Variants in DOCK8 observed in about 807,000 individuals in gnomAD.
DOCK8 encodes dedicator of cytokinesis protein 8.
A neutral mutation model predicts 245.6 loss-of-function variants in DOCK8; 141 were observed. The observed-to-expected ratio is 0.57, with a 90% CI of 0.50 to 0.66. The LOEUF (loss-of-function observed/expected upper bound fraction) is 0.66. Ranked by LOEUF, DOCK8 falls within the 30% of genes least tolerant of loss-of-function variation. The pLI, the probability that DOCK8 is intolerant of heterozygous loss-of-function variation, is 0.00. For synonymous variants in DOCK8, 1,168 were observed against 970.2 expected (o/e 1.20, Z -3.79); for missense variants, 2,965 against 2,603.4 (o/e 1.14, Z -3.02).
At chr9:463,278 A>T (rs1312965405) in intron 46 of DOCK8, among the ~76,000 whole-genome samples, 1 of 15,836 alleles carries the variant, frequency 6.3e-5, no homozygotes, top group East Asian at 0.1. Flanking sequence ...AAATAAGGTA[A>T]AAAAAAAAAA....
At chr9:307,254 A>C (rs145245641) in intron 5 of DOCK8, among the ~76,000 whole-genome samples, 1 of 151,582 alleles carries the variant, frequency 6.6e-6, no homozygotes, top group Admixed American at 6.6e-5. Flanking sequence ...CAATAGGTGA[A>C]GACCAGCGTA....
chr9:447,912 C>G (rs1024269317), intron 44 of DOCK8, among the ~76,000 whole-genome samples: 2 of 152,228 alleles, frequency 1.3e-5, no homozygotes, highest in African/African-American at 2.4e-5. Context: ...TAGAAGCCAT[C>G]TGCTGTACTT....
intron 2 of DOCK8, among the ~76,000 whole-genome samples, chr9:282,952 C>T (rs1446242340): frequency 6.6e-6 from 1 of 152,124 alleles, no homozygotes; most frequent in African/African-American, 2.4e-5. Flanking sequence ...TATTTACTTA[C>T]TATTATTACT....
At chr9:235,053 G>A (rs961754869) in intron 1 of DOCK8, among the ~76,000 whole-genome samples, 2 of 152,074 alleles carry the variant, frequency 1.3e-5, no homozygotes, top group African/African-American at 4.8e-5. Flanking sequence ...CTTTGATGAT[G>A]GTGACGTACA....
At chr9:247,891 T>C (rs1587658034) in intron 1 of DOCK8, among the ~76,000 whole-genome samples, 1 of 151,952 alleles carries the variant, frequency 6.6e-6, no homozygotes, top group Admixed American at 6.6e-5. Context: ...GTTTATAGTA[T>C]TATCATTAAT....
At position 425,599 on chromosome 9, in the gene DOCK8, C is replaced by A. The variant is rs1349452874; in HGVS notation, c.4242-1286C>A. On this transcript the variant is annotated intron_variant, in intron 33 of 47. Coordinates refer to ENST00000432829, the MANE Select transcript of DOCK8 (RefSeq NM_203447.4). The stretch of plus-strand genomic sequence containing the variant: ...AATGGTAAATTTGATGTTATGTGTA[C>A]TTTATCACGATATAAAAATTTGATG... Among the ~76,000 whole-genome samples, 4 of 146,906 alleles carry A rather than the reference C, an allele frequency of 2.7e-5. 1 individual carries two copies. The highest frequency in any genetic ancestry group is 1.0e-4 in the African/African-American group (4 of 39,968).
chr9:255,468 G>C (rs1289980737), intron 1 of DOCK8, among the ~76,000 whole-genome samples: 1 of 152,102 alleles, frequency 6.6e-6, no homozygotes, highest in South Asian at 2.1e-4. Flanking sequence ...AGGAGTTTGA[G>C]ATCAGCCTGG....
At chr9:398,889 C>T (rs1044205687) in intron 25 of DOCK8, among the ~76,000 whole-genome samples, 8 of 151,614 alleles carry the variant, frequency 5.3e-5, no homozygotes, top group African/African-American at 1.9e-4. Context: ...TAATTATACA[C>T]ATATAAATAT....
intron 1 of DOCK8, among the ~76,000 whole-genome samples, chr9:241,025 A>C (rs970236788): frequency 6.6e-6 from 1 of 152,224 alleles, no homozygotes; most frequent in Non-Finnish European, 1.5e-5. Flanking sequence ...AGAAAAGGGA[A>C]AATGATTTGT....
At chr9:399,281 A>AC (rs1564010082) in intron 26 of DOCK8, 22 bp downstream of exon 26, 1 of 992,506 alleles carries the variant, frequency 1.0e-6, no homozygotes, top group South Asian at 1.6e-5. Flanking sequence ...CCCCACCCCC[A>AC]CCCCCGAGCG....
rs188153923 is a variant in DOCK8 at position 413,946 on chromosome 9, A to G, written c.3531-836A>G. Among the ~76,000 whole-genome samples, 877 of 152,340 alleles carry G rather than the reference A, an allele frequency of 5.8e-3. 9 individuals carry two copies. Among genetic ancestry groups the G allele is most frequent in the African/African-American group, 0.02 (851 of 41,580 alleles). ...CATTTGAGGCCAGGAGTTCGAGACC[A>G]GCCTGGCCAAGATGGTGAAACCCTG... On this transcript the variant is annotated intron_variant, in intron 28 of 47. Transcript: ENST00000432829.
At chr9:218,561 A>G (rs995043843) in intron 1 of DOCK8, among the ~76,000 whole-genome samples, 2 of 152,156 alleles carry the variant, frequency 1.3e-5, no homozygotes, top group East Asian at 1.9e-4. Context: ...ATAACATGGT[A>G]CTTGTGGGAA....
At chr9:364,994 G>A (rs147570789) in intron 14 of DOCK8, among the ~76,000 whole-genome samples, 14 of 152,264 alleles carry the variant, frequency 9.2e-5, no homozygotes, top group African/African-American at 3.4e-4. Context: ...AGCCCTCTGG[G>A]GAACAGAAGG....
At chr9:379,404 C>T (rs979613070) in intron 20 of DOCK8, among the ~76,000 whole-genome samples, 2 of 152,088 alleles carry the variant, frequency 1.3e-5, no homozygotes, top group Non-Finnish European at 2.9e-5. Flanking sequence ...GGGGTGGGGC[C>T]TGAGATTCTG....
At chr9:219,526 C>T (rs775536477) in intron 1 of DOCK8, among the ~76,000 whole-genome samples, 1 of 152,000 alleles carries the variant, frequency 6.6e-6, no homozygotes, top group Non-Finnish European at 1.5e-5. Context: ...TAATAATCAT[C>T]ACCAGAGAGT....
chr9:426,117 C>G (rs2056490729), intron 33 of DOCK8, among the ~76,000 whole-genome samples: 2 of 151,986 alleles, frequency 1.3e-5, no homozygotes, highest in Admixed American at 6.6e-5. Flanking sequence ...GATGATGATA[C>G]AAAATATCCC....
intron 18 of DOCK8, among the ~76,000 whole-genome samples, chr9:373,978 C>T (rs537737568): frequency 9.2e-5 from 14 of 152,300 alleles, no homozygotes; most frequent in Admixed American, 7.8e-4. Flanking sequence ...AAATCTGTGT[C>T]CAAAGTCTAG....
chr9:289,591 T>C lies in DOCK8; in HGVS notation c.404+10T>C, dbSNP rs746559939. ...TAATCGTGAACCGGAAGTAAGTTACTTTTTTTCCACTTTTTGTATATAAAT... is the reference window on the plus strand; with the variant it reads ...TAATCGTGAACCGGAAGTAAGTTACCTTTTTTCCACTTTTTGTATATAAAT... On this transcript the variant is annotated intron_variant, in intron 4 of 47. Coordinates refer to ENST00000432829, the MANE Select transcript of DOCK8 (RefSeq NM_203447.4). 3.3e-6 allele frequency: 5 copies of C among 1,503,358 alleles called. No individual in the cohort carries two copies. The highest frequency in any genetic ancestry group is 2.0e-4 in the Middle Eastern group (1 of 5,104). 93.1% of individuals were successfully genotyped at this position (1,503,358 alleles called of 1,614,324 possible).
In DOCK8 at chr9:382,498, C is replaced by A. The variant is rs772124725; in HGVS notation, c.2606-15C>A. 2.5e-6 allele frequency: 4 copies of A among 1,613,352 alleles called. No homozygotes were observed. The highest frequency in any genetic ancestry group is 1.7e-5 in the Admixed American group (1 of 60,002). ...TCCCCTGTCTGTTGACATGTCTCTG[C>A]CTGGTGGGGTGCAGGCGCTCCCACT... On this transcript the variant is annotated splice_polypyrimidine_tract_variant and intron_variant, in intron 21 of 47. Coordinates refer to ENST00000432829, the MANE Select transcript of DOCK8 (RefSeq NM_203447.4).
Sources: gnomAD v4.1 joint callset for allele counts (sites outside exome capture counted in the v4.1 genomes callset) on GRCh38, gnomAD v4.1.1 for gene constraint, MANE v1.5 for transcripts, NCBI Gene and HGNC (gene_info 2026-07-23, HGNC 2026-07-21) for gene names.